ACTR2: variants seen among roughly 807,000 people sequenced by gnomAD.
The protein encoded by ACTR2 is actin-related protein 2.
A neutral mutation model predicts 50.2 loss-of-function variants in ACTR2; 5 were observed. That is an observed-to-expected ratio of 0.10 (90% CI 0.05 to 0.21). The LOEUF (loss-of-function observed/expected upper bound fraction) is 0.21. ACTR2 is among the 10% of genes least tolerant of loss of function. The pLI, the probability that ACTR2 is intolerant of heterozygous loss-of-function variation, is 1.00. For missense variants in ACTR2, 180 were observed against 480.6 expected (o/e 0.37, Z 5.85); for synonymous variants, 140 against 162.9 (o/e 0.86, Z 1.07).
At chr2:65,255,261 A>G (rs1672128874) in intron 5 of ACTR2, among the ~76,000 whole-genome samples, 2 of 152,228 alleles carry the variant, frequency 1.3e-5, no homozygotes, top group Admixed American at 6.5e-5. Flanking sequence ...ATTGTTTATC[A>G]AAACTATCAA....
At chr2:65,248,480 A>T (rs1390147839) in intron 3 of ACTR2, among the ~76,000 whole-genome samples, 3 of 152,146 alleles carry the variant, frequency 2.0e-5, no homozygotes, top group Non-Finnish European at 4.4e-5. Flanking sequence ...TCAGATTTAG[A>T]TTTCTCTTGT....
At chr2:65,238,133 A>G (rs574551310) in intron 1 of ACTR2, among the ~76,000 whole-genome samples, 32 of 152,168 alleles carry the variant, frequency 2.1e-4, no homozygotes, top group Non-Finnish European at 3.7e-4. Context: ...GTGCCACTGC[A>G]CTCCAGCCTA....
rs1022220287 is a variant in ACTR2 at position 65,255,619 on chromosome 2, G to A, written c.660G>A (p.Leu220=). ...FETVRMIKEK[L]CYVGYNIEQE... is the part of the protein sequence containing the mutation. The stretch of plus-strand genomic sequence containing the variant: ...CGGTTCGCATGATTAAAGAAAAACT[G>A]TGTTACGTGGGATATAATATTGAGC... Residue 220 remains leucine, a synonymous_variant, in exon 6 of 9, where the codon CTG becomes CTA. Coordinates refer to ENST00000260641, the MANE Select transcript of ACTR2 (RefSeq NM_005722.4). 1.8e-5 allele frequency: 29 copies of A among 1,613,912 alleles called. No homozygotes were observed. The Admixed American group carries it at 3.7e-4, about 20-fold the overall frequency.
Position 65,269,772 on chromosome 2 carries a change from A to G in ACTR2, c.*1038A>G, listed in dbSNP as rs535266988. The G allele has an allele frequency of 8.5e-4, 130 of 152,324 alleles. No individual in the cohort carries two copies. Among genetic ancestry groups the G allele is most frequent in the African/African-American group, 3.0e-3 (124 of 41,564 alleles). 9.4% of individuals were successfully genotyped at this position (152,324 alleles called of 1,614,324 possible). On this transcript the variant is annotated 3_prime_UTR_variant, in exon 9 of 9. Transcript: ENST00000260641. The stretch of plus-strand genomic sequence containing the variant: ...CAAATAATTACTGGCAGTAGGTTAT[A>G]ATTGGTGGTTTAAAAATAACATTGG...
rs1672486757 is a variant in ACTR2 at position 65,271,115 on chromosome 2, G to C, written c.*2381G>C. ...TTTTTCTTTAAAACATGGTTTTGGTGGTTAACTTTTACACAGTTCTGAGTA... is the reference window on the plus strand; with the variant it reads ...TTTTTCTTTAAAACATGGTTTTGGTCGTTAACTTTTACACAGTTCTGAGTA... On this transcript the variant is annotated 3_prime_UTR_variant, in exon 9 of 9. Coordinates refer to ENST00000260641, the MANE Select transcript of ACTR2 (RefSeq NM_005722.4). The C allele has an allele frequency of 6.6e-6, 1 of 152,060 alleles. No homozygotes were observed. The highest frequency in any genetic ancestry group is 2.4e-5 in the African/African-American group (1 of 41,416). 9.4% of individuals were successfully genotyped at this position (152,060 alleles called of 1,614,324 possible).
Position 65,268,689 on chromosome 2 carries a change from A to G in ACTR2, c.1140A>G (p.Glu380=), listed in dbSNP as rs560183107. Residue 380 remains glutamate (E), a synonymous_variant, in exon 9 of 9, where the codon GAA becomes GAG. Coordinates refer to ENST00000260641, the MANE Select transcript of ACTR2 (RefSeq NM_005722.4). Reference sequence around the variant, plus strand: ...GGATGACCCGACAAGAGTACCAAGAAAAGGGTGTCCGTGTGCTAGAGAAAC... The same window carrying G: ...GGATGACCCGACAAGAGTACCAAGAGAAGGGTGTCCGTGTGCTAGAGAAAC... The part of the protein sequence containing the change: ...NFWMTRQEYQ[E]KGVRVLEKLG... 1 of 1,614,000 alleles carries G rather than the reference A, an allele frequency of 6.2e-7. No individual in the cohort carries two copies. The highest frequency in any genetic ancestry group is 8.5e-7 in the Non-Finnish European group (1 of 1,179,904).
chr2:65,252,295 A>G (rs937269880), intron 4 of ACTR2, among the ~76,000 whole-genome samples: 3 of 151,956 alleles, frequency 2.0e-5, no homozygotes, highest in Non-Finnish European at 4.4e-5. Context: ...CAAGGGCTGT[A>G]TATGAGTTTT....
chr2:65,261,515 T>TAATTTCAGACTTACGG (rs1228739827), intron 7 of ACTR2, 123 bp downstream of exon 7: 24 of 1,001,208 alleles, frequency 2.4e-5, no homozygotes, highest in African/African-American at 3.3e-5. Flanking sequence ...TTACTTGAAA[T>TAATTTCAGACTTACGG]AATTTCAGAC....
At chr2:65,259,149 C>T (rs1016179632) in intron 6 of ACTR2, among the ~76,000 whole-genome samples, 3 of 151,882 alleles carry the variant, frequency 2.0e-5, no homozygotes, top group East Asian at 1.9e-4. Context: ...ATTGGCCAGG[C>T]GCGGTGGCTC....
intron 2 of ACTR2, among the ~76,000 whole-genome samples, chr2:65,246,028 G>C (rs1012386278): frequency 6.6e-6 from 1 of 152,072 alleles, no homozygotes; most frequent in African/African-American, 2.4e-5. Flanking sequence ...CATTATTATA[G>C]AGTAATAAAG....
At chr2:65,228,099 G>A (rs1384288479) in intron 1 of ACTR2, 142 bp downstream of exon 1, 2 of 698,910 alleles carry the variant, frequency 2.9e-6, no homozygotes, top group African/African-American at 1.9e-5. Flanking sequence ...ACCTCCGCGG[G>A]CGTGGGAGCG....
chr2:65,262,563 C>G (rs1216951155), intron 7 of ACTR2, among the ~76,000 whole-genome samples: 2 of 151,968 alleles, frequency 1.3e-5, no homozygotes, highest in Admixed American at 1.3e-4. Context: ...TTAGATATTG[C>G]CAAATTTCCC....
intron 8 of ACTR2, among the ~76,000 whole-genome samples, chr2:65,266,941 A>T (rs990930114): frequency 1.3e-5 from 2 of 152,192 alleles, no homozygotes; most frequent in Non-Finnish European, 2.9e-5. Context: ...TGGTAGATGG[A>T]ATGATCTGAT....
chr2:65,261,423 T>G (rs761250960), intron 7 of ACTR2, 31 bp downstream of exon 7: 1 of 1,575,662 alleles, frequency 6.3e-7, no homozygotes, highest in Admixed American at 1.9e-5. Flanking sequence ...TCAAAGTTAT[T>G]TATCAGAAAA....
At chr2:65,230,642 G>C (rs981491447) in intron 1 of ACTR2, among the ~76,000 whole-genome samples, 27 of 151,826 alleles carry the variant, frequency 1.8e-4, no homozygotes, top group Non-Finnish European at 4.4e-5. Context: ...AACTCCTGGG[G>C]TTAAAAGATC....
intron 2 of ACTR2, among the ~76,000 whole-genome samples, chr2:65,240,979 G>C (rs3771098): frequency 0.5 from 75,286 of 151,558 alleles, 19,748 homozygotes; most frequent in East Asian, 0.79. Context: ...AAAAATACAA[G>C]CTGAAACTTG....
intron 6 of ACTR2, among the ~76,000 whole-genome samples, chr2:65,257,613 T>C (rs1410471721): frequency 6.6e-6 from 1 of 152,234 alleles, no homozygotes; most frequent in East Asian, 1.9e-4. Context: ...CAGCATCTGT[T>C]GTTTCCTGAC....
intron 3 of ACTR2, among the ~76,000 whole-genome samples, chr2:65,248,104 A>G (rs1317183019): frequency 6.6e-6 from 1 of 152,152 alleles, no homozygotes; most frequent in African/African-American, 2.4e-5. Flanking sequence ...TGTAGGCTCT[A>G]ATTAGGAATT....
chr2:65,266,966 T>A (rs1672383826), intron 8 of ACTR2, among the ~76,000 whole-genome samples: 1 of 152,082 alleles, frequency 6.6e-6, no homozygotes, highest in Non-Finnish European at 1.5e-5. Flanking sequence ...TGAGTTTCAG[T>A]GGGGCTATGG....
Sources: gnomAD v4.1 joint callset for allele counts (sites outside exome capture counted in the v4.1 genomes callset) on GRCh38, gnomAD v4.1.1 for gene constraint, MANE v1.5 for transcripts, NCBI Gene and HGNC (gene_info 2026-07-23, HGNC 2026-07-21) for gene names.